Variants in PDPR observed in about 807,000 individuals in gnomAD.
The protein encoded by PDPR is pyruvate dehydrogenase phosphatase regulatory subunit.
A neutral mutation model predicts 102.2 loss-of-function variants in PDPR; 50 were observed. The ratio of observed to expected loss-of-function variants is 0.49; its 90% CI spans 0.39 to 0.62. PDPR has a LOEUF of 0.62. Among genes scored for constraint, PDPR ranks in the 20% least tolerant of loss-of-function variants. The probability of loss-of-function intolerance (pLI) is 0.00; values close to 1 mark genes in which losing one functional copy is unlikely to be tolerated. For synonymous variants in PDPR, 259 were observed against 406.0 expected (o/e 0.64, Z 4.35); for missense variants, 625 against 1,098.2 (o/e 0.57, Z 6.09).
intron 3 of PDPR, among the ~76,000 whole-genome samples, chr16:70,123,288 G>A (rs1963542885): frequency 6.6e-6 from 1 of 152,278 alleles, no homozygotes; most frequent in African/African-American, 2.4e-5. Context: ...TCAGGCTGGA[G>A]TGCAGTGGTT....
chr16:70,142,063 G>T (rs1965770366), intron 11 of PDPR, among the ~76,000 whole-genome samples, 171 bp from the exon 12 acceptor site: 1 of 152,112 alleles, frequency 6.6e-6, no homozygotes, highest in Admixed American at 6.6e-5. Context: ...TTGTGCCACT[G>T]CACTCCAGCC....
intron 3 of PDPR, among the ~76,000 whole-genome samples, chr16:70,126,493 A>G (rs1189560021): frequency 6.6e-6 from 1 of 152,212 alleles, no homozygotes; most frequent in African/African-American, 2.4e-5. Context: ...CCTCCCGAGT[A>G]GCTGGGACTA....
intron 3 of PDPR, among the ~76,000 whole-genome samples, chr16:70,123,490 A>G (rs1963572101): frequency 6.6e-6 from 1 of 152,250 alleles, no homozygotes; most frequent in Non-Finnish European, 1.5e-5. Flanking sequence ...CGCCCACCTC[A>G]ACCTCCCAAA....
chr16:70,152,863 A>T (rs1336986391), intron 17 of PDPR, among the ~76,000 whole-genome samples: 1 of 152,294 alleles, frequency 6.6e-6, no homozygotes, highest in Admixed American at 6.5e-5. Context: ...GCTGTGGGAC[A>T]TGAGCAGGCG....
chr16:70,134,183 T>C (rs1043557573), intron 9 of PDPR, among the ~76,000 whole-genome samples: 1 of 152,244 alleles, frequency 6.6e-6, no homozygotes, highest in East Asian at 1.9e-4. Flanking sequence ...GTTTTGTTAG[T>C]GTAGTATTTT....
At chr16:70,141,935 A>C (rs1163513278) in intron 11 of PDPR, among the ~76,000 whole-genome samples, 4 of 152,280 alleles carry the variant, frequency 2.6e-5, no homozygotes, top group Non-Finnish European at 5.9e-5. Flanking sequence ...CCCTGTCTCT[A>C]CTAAAAATAC....
Position 70,129,019 on chromosome 16 carries a change from C to G in PDPR, c.504C>G (p.Leu168=). 1 of 1,613,898 alleles carries G rather than the reference C, an allele frequency of 6.2e-7. No individual in the cohort carries two copies. Among genetic ancestry groups the G allele is most frequent in the Non-Finnish European group, 8.5e-7 (1 of 1,179,750 alleles). ...SPKKVAELHH[L]LNVHDLVGAM... is the part of the protein sequence containing the mutation. ...AGAAAGTGGCCGAGCTTCACCATCT[C>G]CTCAACGTGCACGACCTGGTGGGGG... Residue 168 remains leucine (L), a synonymous_variant, in exon 6 of 19, where the codon CTC becomes CTG. Coordinates refer to ENST00000288050, the MANE Select transcript of PDPR (RefSeq NM_017990.5).
At chr16:70,138,838 A>G in intron 10 of PDPR, 61 bp from the exon 11 acceptor site, 1 of 1,605,336 alleles carries the variant, frequency 6.2e-7, no homozygotes, top group East Asian at 2.3e-5. Context: ...CTCGATTTGT[A>G]GAATATTAAT....
intron 4 of PDPR, among the ~76,000 whole-genome samples, chr16:70,128,581 G>C (rs1482072125): frequency 1.3e-5 from 2 of 152,244 alleles, no homozygotes; most frequent in Non-Finnish European, 2.9e-5. Flanking sequence ...GAGAATGTTT[G>C]GTCAGGGCAT....
At chr16:70,135,505 G>C (rs1411246878) in intron 9 of PDPR, among the ~76,000 whole-genome samples, 6 of 152,256 alleles carry the variant, frequency 3.9e-5, no homozygotes, top group Non-Finnish European at 7.3e-5. Flanking sequence ...CCAAAGTGCC[G>C]GGGTTACAAA....
At chr16:70,117,421 G>A (rs557025178) in intron 2 of PDPR, among the ~76,000 whole-genome samples, 31 of 151,132 alleles carry the variant, frequency 2.1e-4, no homozygotes, top group African/African-American at 6.3e-4. Context: ...AGGAGGCTGA[G>A]GCAGGAGAAT....
At chr16:70,151,875 G>A (rs532690010) in intron 17 of PDPR, among the ~76,000 whole-genome samples, 1 of 152,308 alleles carries the variant, frequency 6.6e-6, no homozygotes, top group East Asian at 1.9e-4. Context: ...CTAAATCTCT[G>A]GTATTTTGTG....
intron 17 of PDPR, among the ~76,000 whole-genome samples, chr16:70,151,258 G>C (rs982452109): frequency 1.4e-4 from 21 of 152,022 alleles, no homozygotes; most frequent in African/African-American, 4.8e-4. Context: ...TTGTAGCTTT[G>C]AGAGTCTCAA....
intron 7 of PDPR, among the ~76,000 whole-genome samples, chr16:70,131,079 C>G (rs1404888697): frequency 3.3e-5 from 5 of 152,228 alleles, no homozygotes; most frequent in Non-Finnish European, 5.9e-5. Context: ...CTTTGACTAG[C>G]TGGTAAATAT....
chr16:70,134,994 T>G (rs1353967781), intron 9 of PDPR, among the ~76,000 whole-genome samples: 1 of 152,108 alleles, frequency 6.6e-6, no homozygotes, highest in Non-Finnish European at 1.5e-5. Flanking sequence ...GAGGCCAAGA[T>G]GGGAGGATCA....
intron 2 of PDPR, among the ~76,000 whole-genome samples, chr16:70,117,341 C>T (rs1962748464): frequency 1.4e-5 from 2 of 139,540 alleles, no homozygotes; most frequent in Admixed American, 1.5e-4. Flanking sequence ...GGTGAAACCC[C>T]GTCTCTCCTA....
At chr16:70,146,053 G>C (rs1222569191) in intron 15 of PDPR, 81 bp from the exon 16 acceptor site, 1 of 1,575,612 alleles carries the variant, frequency 6.3e-7, no homozygotes, top group Admixed American at 1.7e-5. Context: ...GGCTATAGCT[G>C]AGCAAGTCTA....
chr16:70,120,567 A>T lies in PDPR; in HGVS notation c.75A>T (p.Ala25=), dbSNP rs764120947. The change falls in exon 3 of 19, where the codon GCA becomes GCT. Residue 25 remains alanine, a synonymous_variant. Transcript: ENST00000288050. ...ASPGWQNWSS[A]RNSTSAAEAR... ...CAGGATGGCAGAACTGGTCCTCTGC[A>T]AGAAACAGCACGTCAGCTGCCGAGG... 28 of 1,614,030 alleles carry T rather than the reference A, an allele frequency of 1.7e-5. No homozygotes were observed. Among genetic ancestry groups the T allele is most frequent in the Non-Finnish European group, 2.4e-5 (28 of 1,179,880 alleles).
At chr16:70,117,905 C>G (rs2152056249) in intron 2 of PDPR, among the ~76,000 whole-genome samples, 1 of 152,174 alleles carries the variant, frequency 6.6e-6, no homozygotes, top group South Asian at 2.1e-4. Context: ...CCAGCCTAAT[C>G]AACATGGTGA....
Sources: gnomAD v4.1 joint callset for allele counts (sites outside exome capture counted in the v4.1 genomes callset) on GRCh38, gnomAD v4.1.1 for gene constraint, MANE v1.5 for transcripts, NCBI Gene and HGNC (gene_info 2026-07-23, HGNC 2026-07-21) for gene names.